OR52E4: variants seen among roughly 807,000 people sequenced by gnomAD.
The protein encoded by OR52E4 is olfactory receptor 52E4.
For missense variants in OR52E4, 444 were observed against 383.8 expected, an observed-to-expected ratio of 1.16 and a Z score of -1.31; for synonymous variants, 169 against 137.4, an observed-to-expected ratio of 1.23 and a Z score of -1.61.
Position 5,884,768 on chromosome 11 carries a change from C to A in OR52E4, c.476C>A (p.Thr159Asn), listed in dbSNP as rs752415258. 1.9e-6 allele frequency: 3 copies of A among 1,613,618 alleles called. No individual in the cohort carries two copies. Among genetic ancestry groups the A allele is most frequent in the Admixed American group, 1.7e-5 (1 of 59,882 alleles). ...GTTGGAAGAAATTTAGTTCTTGTAA[C>A]CCCATTTGTGTTTCTCATTCTGCGT... ...VVVGRNLVLVTPFVFLILRLP... is the reference protein window; with the variant it reads ...VVVGRNLVLVNPFVFLILRLP... The change falls in exon 2 of 2, where the codon ACC (threonine) becomes AAC (asparagine). Residue 159 changes from threonine (T) to asparagine (N), a missense_variant. Thr to Asn is a moderately conservative substitution (Grantham distance 65). Coordinates refer to ENST00000641726, the MANE Select transcript of OR52E4 (RefSeq NM_001005165.2).
Position 5,884,475 on chromosome 11 carries a change from G to T in OR52E4, c.183G>T (p.Met61Ile). 1 of 1,613,454 alleles carries T rather than the reference G, an allele frequency of 6.2e-7. No homozygotes were observed. Among genetic ancestry groups the T allele is most frequent in the Non-Finnish European group, 8.5e-7 (1 of 1,179,646 alleles). The change falls in exon 2 of 2, where the codon ATG becomes ATT. Residue 61 changes from methionine to isoleucine, a missense_variant. Physicochemically the swap from Met to Ile is conservative, Grantham distance 10 (BLOSUM62 1). Transcript: ENST00000641726. ...IKTEHSLHQP[M>I]FYFLAMLSMI... ...CTGAACATAGTCTACACCAGCCCAT[G>T]TTCTACTTCCTGGCCATGTTGTCTA...
At position 5,885,479 on chromosome 11, in the gene OR52E4, G is replaced by A; in HGVS notation, c.*248G>A. ...AGGTAACTATGCTGAAGGTTGAGGT[G>A]GCTTTGGAGTAGAACTGCTTGTAAA... is the stretch of plus-strand genomic sequence containing the variant. On this transcript the variant is annotated 3_prime_UTR_variant, in exon 2 of 2. Transcript: ENST00000641726. The A allele has an allele frequency of 2.6e-6, 1 of 389,240 alleles. No homozygotes were observed. The highest frequency in any genetic ancestry group is 4.6e-6 in the Non-Finnish European group (1 of 218,346). 24.1% of individuals were successfully genotyped at this position (389,240 alleles called of 1,614,324 possible).
chr11:5,882,962 T>C (rs1016091136), intron 1 of OR52E4, among the ~76,000 whole-genome samples: 54 of 152,184 alleles, frequency 3.5e-4, no homozygotes, highest in African/African-American at 1.3e-3. Flanking sequence ...GCTACAGAGT[T>C]GTACAGTGTC....
rs1427642819 is a variant in OR52E4 at position 5,885,254 on chromosome 11, A to G, written c.*23A>G. On this transcript the variant is annotated 3_prime_UTR_variant, in exon 2 of 2. Transcript: ENST00000641726. The stretch of plus-strand genomic sequence containing the variant: ...TAATTCTGTATTAAAGTTTGGATAA[A>G]TATATCTATATACAACCCAAATTAT... The G allele has an allele frequency of 6.9e-7, 1 of 1,449,430 alleles. No homozygotes were observed. The highest frequency in any genetic ancestry group is 2.3e-5 in the East Asian group (1 of 43,070). The allele number at this position is 1,449,430 out of a possible 1,614,324, so 89.8% of individuals were successfully genotyped here. A position where few individuals can be genotyped will look rare whatever the true frequency, so the allele number is the denominator to read the frequency against.
chr11:5,884,564 T>A lies in OR52E4; in HGVS notation c.272T>A (p.Leu91His). ...ATGCTAGGAATCTTCTGGTTCAACCTCCAAGAGATCAGCTTTGGGGGATGC... is the reference window on the plus strand; with the variant it reads ...ATGCTAGGAATCTTCTGGTTCAACCACCAAGAGATCAGCTTTGGGGGATGC... ...PKMLGIFWFNLQEISFGGCLL... is the reference protein window; with the variant it reads ...PKMLGIFWFNHQEISFGGCLL... Residue 91 changes from leucine (L) to histidine (H), a missense_variant, in exon 2 of 2, where the codon CTC (leucine) becomes CAC (histidine). Transcript: ENST00000641726. The A allele has an allele frequency of 3.7e-6, 6 of 1,613,488 alleles. No individual in the cohort carries two copies. Among genetic ancestry groups the A allele is most frequent in the Non-Finnish European group, 5.1e-6 (6 of 1,179,706 alleles).
In OR52E4 at chr11:5,884,403, C is replaced by T. The variant is rs931962750; in HGVS notation, c.111C>T (p.Tyr37=). ...TTTCTTTCCCATTCTGTATTGTGTA[C>T]CTGATTGCCATTGTGGGGAATATGA... ...IWISFPFCIV[Y]LIAIVGNMTI... Residue 37 remains tyrosine (Y), a synonymous_variant, in exon 2 of 2, where the codon TAC becomes TAT. Transcript: ENST00000641726. 5 of 1,613,008 alleles carry T rather than the reference C, an allele frequency of 3.1e-6. No homozygotes were observed. In the African/African-American group the frequency reaches 5.3e-5, roughly 17 times the overall value.
At chr11:5,882,039 T>A (rs1846969466) in intron 1 of OR52E4, among the ~76,000 whole-genome samples, 1 of 151,978 alleles carries the variant, frequency 6.6e-6, no homozygotes, top group East Asian at 1.9e-4. Context: ...AAGAGAAAAA[T>A]TGCTAATTGT....
At chr11:5,881,025 C>T (rs1265334444) in intron 1 of OR52E4, among the ~76,000 whole-genome samples, 1 of 152,048 alleles carries the variant, frequency 6.6e-6, no homozygotes, top group Non-Finnish European at 1.5e-5. Context: ...AGCCGAAACA[C>T]CACAAATACA....
chr11:5,885,864 G>C lies in OR52E4; in HGVS notation c.*633G>C, dbSNP rs974523251. On this transcript the variant is annotated 3_prime_UTR_variant, in exon 2 of 2. Transcript: ENST00000641726. The stretch of plus-strand genomic sequence containing the variant: ...GTATTGATCCTGGTTTTGTCTGTGA[G>C]GGTGTTGCCAAAAGAGATTAACATT... 1 of 152,088 alleles carries C rather than the reference G, an allele frequency of 6.6e-6. No individual in the cohort carries two copies. The highest frequency in any genetic ancestry group is 2.4e-5 in the African/African-American group (1 of 41,422). The allele number at this position is 152,088 out of a possible 1,614,324, so 9.4% of individuals were successfully genotyped here. A position where few individuals can be genotyped will look rare whatever the true frequency, so the allele number is the denominator to read the frequency against.
chr11:5,884,421 G>A lies in OR52E4; in HGVS notation c.129G>A (p.Gly43=). The A allele has an allele frequency of 6.2e-7, 1 of 1,613,392 alleles. No individual in the cohort carries two copies. Among genetic ancestry groups the A allele is most frequent in the African/African-American group, 1.3e-5 (1 of 74,938 alleles). Residue 43 remains glycine (G), a synonymous_variant, in exon 2 of 2, where the codon GGG becomes GGA. Transcript: ENST00000641726. ...FCIVYLIAIV[G]NMTILFVIKT... is the part of the protein sequence containing the mutation. ...TTGTGTACCTGATTGCCATTGTGGGGAATATGACCATTCTCTTTGTGATCA... is the reference window on the plus strand; with the variant it reads ...TTGTGTACCTGATTGCCATTGTGGGAAATATGACCATTCTCTTTGTGATCA...
In OR52E4 at chr11:5,884,816, T is replaced by A. The variant is rs747262263; in HGVS notation, c.524T>A (p.Ile175Asn). 9 of 1,613,568 alleles carry A rather than the reference T, an allele frequency of 5.6e-6. No homozygotes were observed. The highest frequency in any genetic ancestry group is 1.1e-5 in the South Asian group (1 of 91,076). ...CGTCTGCCATTCTGTGGGCATAACA[T>A]CGTACCTCACACATACTGTGAGCAC... is the stretch of plus-strand genomic sequence containing the variant. Reference protein sequence around the residue: ...ILRLPFCGHNIVPHTYCEHRG... With the variant: ...ILRLPFCGHNNVPHTYCEHRG... The change falls in exon 2 of 2, where the codon ATC becomes AAC. Residue 175 changes from isoleucine to asparagine, a missense_variant. Coordinates refer to ENST00000641726, the MANE Select transcript of OR52E4 (RefSeq NM_001005165.2).
At chr11:5,880,982 T>A (rs1464918206) in intron 1 of OR52E4, among the ~76,000 whole-genome samples, 1 of 151,898 alleles carries the variant, frequency 6.6e-6, no homozygotes. Context: ...CATACACTCA[T>A]ACACACACAT....
rs1274238940 is a variant in OR52E4, at chr11:5,886,200, C to CAT, written c.*970_*971insTA. 1 of 136,640 alleles carries CAT rather than the reference C, an allele frequency of 7.3e-6. No homozygotes were observed. The highest frequency in any genetic ancestry group is 6.9e-5 in the Admixed American group (1 of 14,446). The allele number at this position is 136,640 out of a possible 1,614,324, so 8.5% of individuals were successfully genotyped here. ...TTGTGTGTGTGTGTATGTGTACACA[C>CAT]ACACACACACACACACACATATATA... On this transcript the variant is annotated 3_prime_UTR_variant, in exon 2 of 2. Coordinates refer to ENST00000641726, the MANE Select transcript of OR52E4 (RefSeq NM_001005165.2).
At chr11:5,881,736 A>C (rs1333790268) in intron 1 of OR52E4, among the ~76,000 whole-genome samples, 1 of 152,128 alleles carries the variant, frequency 6.6e-6, no homozygotes, top group Non-Finnish European at 1.5e-5. Flanking sequence ...AGGATACACT[A>C]TGCACTAGCA....
intron 1 of OR52E4, among the ~76,000 whole-genome samples, chr11:5,883,067 T>C (rs1846985766): frequency 6.6e-6 from 1 of 152,072 alleles, no homozygotes; most frequent in Non-Finnish European, 1.5e-5. Flanking sequence ...AATATTAAAA[T>C]TTGCTAAATA....
In OR52E4 at chr11:5,885,804, CTGAG is replaced by C. The variant is rs1320875196; in HGVS notation, c.*576_*579del. ...CTCTCTCTTTTTGTGATGGTTAATA[CTGAG>C]TGTCAACTTTATTTGACTGAAGGAT... is the stretch of plus-strand genomic sequence containing the variant. On this transcript the variant is annotated 3_prime_UTR_variant, in exon 2 of 2. Transcript: ENST00000641726. The C allele has an allele frequency of 3.3e-5, 5 of 152,036 alleles. No homozygotes were observed. Among genetic ancestry groups the C allele is most frequent in the African/African-American group, 1.2e-4 (5 of 41,380 alleles). The allele number at this position is 152,036 out of a possible 1,614,324, so 9.4% of individuals were successfully genotyped here.
chr11:5,882,982 G>A lies in OR52E4; in HGVS notation c.-74-1237G>A, dbSNP rs954852637. 6.6e-5 allele frequency among the ~76,000 whole-genome samples: 10 copies of A among 151,968 alleles called. No individual in the cohort carries two copies. In the South Asian group the frequency reaches 2.1e-3, roughly 31 times the overall value. ...AGAGTTGTACAGTGTCTTTAGGGATGCAAAGTTAAAATAAGGTAATTTTCC... is the reference window on the plus strand; with the variant it reads ...AGAGTTGTACAGTGTCTTTAGGGATACAAAGTTAAAATAAGGTAATTTTCC... On this transcript the variant is annotated intron_variant, in intron 1 of 1. Transcript: ENST00000641726.
Position 5,885,581 on chromosome 11 carries a change from A to G in OR52E4, c.*350A>G, listed in dbSNP as rs1415315143. On this transcript the variant is annotated 3_prime_UTR_variant, in exon 2 of 2. Transcript: ENST00000641726. The stretch of plus-strand genomic sequence containing the variant: ...GTTTAGATCCTGAAGGATACTGATC[A>G]AATAAATCTCATTTTATAGATGAAC... 5.6e-6 allele frequency: 1 copy of G among 177,392 alleles called. No homozygotes were observed. The highest frequency in any genetic ancestry group is 1.2e-5 in the Non-Finnish European group (1 of 84,826). 11.0% of individuals were successfully genotyped at this position (177,392 alleles called of 1,614,324 possible). A position where few individuals can be genotyped will look rare whatever the true frequency, so the allele number is the denominator to read the frequency against.
chr11:5,884,196 T>A, intron 1 of OR52E4, 23 bp from the exon 2 acceptor site: 1 of 830,502 alleles, frequency 1.2e-6, no homozygotes, highest in Non-Finnish European at 2.0e-6. Flanking sequence ...AGCACACTGA[T>A]AAGAGTCTTT....
Sources: gnomAD v4.1 joint callset for allele counts (sites outside exome capture counted in the v4.1 genomes callset) on GRCh38, gnomAD v4.1.1 for gene constraint, MANE v1.5 for transcripts, NCBI Gene and HGNC (gene_info 2026-07-23, HGNC 2026-07-21) for gene names.